The following ANKRD11 variants were observed in gnomAD, a reference collection of about 807,000 sequenced individuals.
ANKRD11 encodes the protein ankyrin repeat domain-containing protein 11.
ANKRD11 carries 17 observed loss-of-function variants against 195.7 expected under a neutral mutation model. That is an observed-to-expected ratio of 0.09 (90% confidence interval 0.06 to 0.13). The LOEUF is 0.13. Ranked by LOEUF, ANKRD11 falls within the 10% of genes least tolerant of loss-of-function variation. ANKRD11 has a pLI of 1.00. For missense variants in ANKRD11, 3,735 were observed against 3,566.1 expected (o/e 1.05, Z -1.21); for synonymous variants, 1,953 against 1,528.1 (o/e 1.28, Z -6.49).
At chr16:89,371,402 T>C (rs1408802122) in intron 2 of ANKRD11, among the ~76,000 whole-genome samples, 2 of 152,138 alleles carry the variant, frequency 1.3e-5, no homozygotes, top group Admixed American at 1.3e-4. Flanking sequence ...AGTCATTCCC[T>C]GCACAGACAG....
chr16:89,458,590 T>C (rs927774857), intron 1 of ANKRD11, among the ~76,000 whole-genome samples: 3 of 152,360 alleles, frequency 2.0e-5, no homozygotes, highest in African/African-American at 7.2e-5. Context: ...CTTTCACTCA[T>C]GATTTTGCAG....
intron 3 of ANKRD11, among the ~76,000 whole-genome samples, chr16:89,306,433 G>A (rs1185224285): frequency 2.7e-5 from 1 of 37,016 alleles, no homozygotes; most frequent in African/African-American, 1.3e-4. Context: ...GCAGACACGC[G>A]CCACCTCCCA....
intron 6 of ANKRD11, among the ~76,000 whole-genome samples, chr16:89,290,380 CA>C (rs2034968916): frequency 2.8e-5 from 1 of 36,210 alleles, no homozygotes; most frequent in African/African-American, 1.1e-4. Context: ...CTCAGGGCTC[CA>C]GCGGGGGAGG....
At chr16:89,358,948 C>T (rs184728232) in intron 2 of ANKRD11, among the ~76,000 whole-genome samples, 2 of 152,250 alleles carry the variant, frequency 1.3e-5, no homozygotes, top group East Asian at 1.9e-4. Context: ...ACTTCAGCCT[C>T]CAGAGCAGCT....
chr16:89,340,917 C>T (rs147909962), intron 2 of ANKRD11, among the ~76,000 whole-genome samples: 26 of 152,300 alleles, frequency 1.7e-4, no homozygotes, highest in African/African-American at 5.8e-4. Flanking sequence ...TTTTCAATGT[C>T]CAAATGTGGG....
chr16:89,483,644 C>T (rs2057513832), intron 1 of ANKRD11, among the ~76,000 whole-genome samples: 1 of 152,094 alleles, frequency 6.6e-6, no homozygotes, highest in Admixed American at 6.6e-5. Context: ...GCCTGACCAA[C>T]ACGGAGAAAC....
At chr16:89,315,657 G>C (rs1319203730) in intron 3 of ANKRD11, among the ~76,000 whole-genome samples, 2 of 152,196 alleles carry the variant, frequency 1.3e-5, no homozygotes, top group East Asian at 1.9e-4. Flanking sequence ...CGAGGAGCTT[G>C]GGACAGAGCA....
At chr16:89,451,605 C>G (rs1322246377) in intron 1 of ANKRD11, among the ~76,000 whole-genome samples, 1 of 151,888 alleles carries the variant, frequency 6.6e-6, no homozygotes, top group Non-Finnish European at 1.5e-5. Flanking sequence ...TTAGTAGAGA[C>G]AGAATTTCGC....
chr16:89,370,963 G>A (rs965064545), intron 2 of ANKRD11, among the ~76,000 whole-genome samples: 1 of 152,122 alleles, frequency 6.6e-6, no homozygotes, highest in South Asian at 2.1e-4. Context: ...CGGACACCAC[G>A]AGACAACCCT....
chr16:89,478,946 C>T (rs1826693750), intron 1 of ANKRD11, among the ~76,000 whole-genome samples: 1 of 152,184 alleles, frequency 6.6e-6, no homozygotes, highest in African/African-American at 2.4e-5. Context: ...TAAATAATGA[C>T]CCAACACTTT....
At chr16:89,421,880 T>C (rs1597356099) in intron 1 of ANKRD11, among the ~76,000 whole-genome samples, 1 of 152,142 alleles carries the variant, frequency 6.6e-6, no homozygotes, top group Non-Finnish European at 1.5e-5. Context: ...AAAACCAGAA[T>C]CCAGTTAAAA....
In ANKRD11 at chr16:89,420,877, T is replaced by C. The variant is rs555085131; in HGVS notation, c.-144-2509A>G. On this transcript the variant is annotated intron_variant, in intron 1 of 12. Transcript: ENST00000301030. ...ATTTTCTAAGGTGTGAAAAAAAGCT[T>C]CATTTAGAATACATGTTCACATCAA... 9.2e-5 allele frequency among the ~76,000 whole-genome samples: 14 copies of C among 152,284 alleles called. No individual in the cohort carries two copies. In the South Asian group the frequency reaches 2.9e-3, roughly 32 times the overall value.
At chr16:89,331,844 G>A (rs769104943) in intron 2 of ANKRD11, among the ~76,000 whole-genome samples, 17 of 152,086 alleles carry the variant, frequency 1.1e-4, no homozygotes, top group East Asian at 7.7e-4. Flanking sequence ...GAATGTTTTC[G>A]GCGGATGCAA....
chr16:89,470,528 A>G (rs1398905104), intron 1 of ANKRD11, among the ~76,000 whole-genome samples: 1 of 151,416 alleles, frequency 6.6e-6, no homozygotes, highest in East Asian at 1.9e-4. Context: ...GAGGGTAAAT[A>G]CTAAAGTATT....
chr16:89,311,062 C>A (rs1180965073), intron 3 of ANKRD11, among the ~76,000 whole-genome samples: 1 of 152,148 alleles, frequency 6.6e-6, no homozygotes, highest in Admixed American at 6.5e-5. Context: ...TGAGGAAATT[C>A]CTCTCTATTC....
chr16:89,323,050 C>T (rs867957113), intron 2 of ANKRD11: 4 of 300,792 alleles, frequency 1.3e-5, no homozygotes, highest in Middle Eastern at 1.3e-3. Context: ...GCCATGCTTC[C>T]GAGGCTGGTG....
chr16:89,449,121 C>G (rs1397599045), intron 1 of ANKRD11, among the ~76,000 whole-genome samples: 1 of 151,286 alleles, frequency 6.6e-6, no homozygotes, highest in African/African-American at 2.4e-5. Context: ...GAGGCTGAGG[C>G]CGGAGGATTG....
At chr16:89,288,496 G>A in intron 7 of ANKRD11, 32 bp downstream of exon 7, 1 of 1,613,990 alleles carries the variant, frequency 6.2e-7, no homozygotes, top group Non-Finnish European at 8.5e-7. Context: ...GCCAGGACAG[G>A]CCGGATGTGT....
At chr16:89,369,012 G>C (rs1307177380) in intron 2 of ANKRD11, among the ~76,000 whole-genome samples, 1 of 152,132 alleles carries the variant, frequency 6.6e-6, no homozygotes, top group African/African-American at 2.4e-5. Context: ...AGTCAACCAA[G>C]ATGTAAGCAG....
Sources: gnomAD v4.1 joint callset for allele counts (sites outside exome capture counted in the v4.1 genomes callset) on GRCh38, gnomAD v4.1.1 for gene constraint, MANE v1.5 for transcripts, NCBI Gene and HGNC (gene_info 2026-07-23, HGNC 2026-07-21) for gene names.